Variants in GABRG3 observed in about 807,000 individuals in gnomAD.
GABRG3 encodes the protein gamma-aminobutyric acid receptor subunit gamma-3.
In GABRG3, 25 loss-of-function variants were observed where a neutral mutation model predicts 48.8. The observed-to-expected ratio is 0.51, with a 90% CI of 0.37 to 0.72. The LOEUF (loss-of-function observed/expected upper bound fraction) is 0.72, where lower values mean the gene tolerates loss of function less well. Ranked by LOEUF, GABRG3 falls within the 30% of genes least tolerant of loss-of-function variation. The probability of loss-of-function intolerance (pLI) is 0.00; values close to 1 mark genes in which losing one functional copy is unlikely to be tolerated. For missense variants in GABRG3, 394 were observed against 577.9 expected (o/e 0.68, Z 3.26); for synonymous variants, 227 against 217.6 (o/e 1.04, Z -0.38).
intron 5 of GABRG3, among the ~76,000 whole-genome samples, chr15:27,410,773 T>C (rs1038709038): frequency 1.3e-5 from 2 of 152,084 alleles, no homozygotes; most frequent in African/African-American, 4.8e-5. Flanking sequence ...AATTCTTGGT[T>C]AGCAGTCTTT....
intron 5 of GABRG3, among the ~76,000 whole-genome samples, chr15:27,398,925 A>C (rs1887399733): frequency 6.6e-6 from 1 of 152,186 alleles, no homozygotes; most frequent in South Asian, 2.1e-4. Context: ...GGAAGTTTGA[A>C]TAGCAAGTGC....
chr15:27,177,330 G>A (rs1239859420), intron 3 of GABRG3, among the ~76,000 whole-genome samples: 4 of 152,188 alleles, frequency 2.6e-5, no homozygotes, highest in Non-Finnish European at 5.9e-5. Context: ...ATCTAAAGGA[G>A]CAACTGGGGC....
At chr15:27,261,480 T>C (rs1007824654) in intron 3 of GABRG3, among the ~76,000 whole-genome samples, 1 of 151,590 alleles carries the variant, frequency 6.6e-6, no homozygotes, top group Non-Finnish European at 1.5e-5. Flanking sequence ...GCAGGGGTGC[T>C]GTTAATCCCC....
At position 27,505,435 on chromosome 15, in the gene GABRG3, G is replaced by A. The variant is rs74005017; in HGVS notation, c.713-14537G>A. Reference sequence around the variant, plus strand: ...AATTAAGGAGATAATATTAGCTGTAGTATTTCTGTAGATGTTCTTTATTGG... The same window carrying A: ...AATTAAGGAGATAATATTAGCTGTAATATTTCTGTAGATGTTCTTTATTGG... On this transcript the variant is annotated intron_variant, in intron 6 of 9. Transcript: ENST00000615808. 3.7e-3 allele frequency among the ~76,000 whole-genome samples: 566 copies of A among 152,228 alleles called. 7 individuals carry two copies. The highest frequency in any genetic ancestry group is 0.013 in the African/African-American group (556 of 41,564).
intron 3 of GABRG3, among the ~76,000 whole-genome samples, chr15:27,245,696 A>ACCCGCCTGGCCAACATGGTGAAC: frequency 6.6e-6 from 1 of 151,538 alleles, no homozygotes; most frequent in African/African-American, 2.4e-5. Context: ...ACATGGTGAA[A>ACCCGCCTGGCCAACATGGTGAAC]CCCTGTCTCT....
chr15:27,117,942 A>G (rs1897670461), intron 3 of GABRG3, among the ~76,000 whole-genome samples: 1 of 152,174 alleles, frequency 6.6e-6, no homozygotes. Flanking sequence ...GTAACATAAC[A>G]TGCAGGTGTA....
chr15:27,438,526 A>G (rs1335189393), intron 5 of GABRG3, among the ~76,000 whole-genome samples: 1 of 152,228 alleles, frequency 6.6e-6, no homozygotes, highest in East Asian at 1.9e-4. Context: ...GTCACCCCAC[A>G]TCTCTGCTTG....
chr15:27,076,315 T>A (rs972904773), intron 3 of GABRG3, among the ~76,000 whole-genome samples: 9 of 145,648 alleles, frequency 6.2e-5, no homozygotes, highest in African/African-American at 2.1e-4. Flanking sequence ...TTGAGCCAAC[T>A]GTCTTTTTTT....
chr15:27,471,977 TA>T (rs912477015), intron 5 of GABRG3, among the ~76,000 whole-genome samples: 5 of 152,126 alleles, frequency 3.3e-5, no homozygotes, highest in African/African-American at 1.2e-4. Context: ...TTTGGAAACA[TA>T]AAAAAAGTTA....
intron 3 of GABRG3, among the ~76,000 whole-genome samples, chr15:27,139,810 A>G (rs1898072147): frequency 6.6e-6 from 1 of 152,208 alleles, no homozygotes. Flanking sequence ...GCCAGTGACC[A>G]GAAAGATCAA....
chr15:27,072,599 G>A (rs1165204563), intron 3 of GABRG3, among the ~76,000 whole-genome samples: 1 of 152,188 alleles, frequency 6.6e-6, no homozygotes, highest in African/African-American at 2.4e-5. Context: ...TCTTGCACAA[G>A]TGACTTACTG....
chr15:27,323,817 C>A lies in GABRG3; in HGVS notation c.271-2992C>A, dbSNP rs568665926. On this transcript the variant is annotated intron_variant, in intron 3 of 9. Transcript: ENST00000615808. ...TATCAGTCTGGACGGGCTCCTCTGACAAACTGCTCTGGATGCTTCTCACCC... is the reference window on the plus strand; with the variant it reads ...TATCAGTCTGGACGGGCTCCTCTGAAAAACTGCTCTGGATGCTTCTCACCC... Among the ~76,000 whole-genome samples the A allele has an allele frequency of 4.5e-4, 69 of 152,296 alleles. 1 individual carries two copies. The highest frequency in any genetic ancestry group is 1.5e-3 in the African/African-American group (62 of 41,586).
intron 3 of GABRG3, among the ~76,000 whole-genome samples, chr15:27,325,681 G>C (rs1893589686): frequency 6.6e-6 from 1 of 152,232 alleles, no homozygotes; most frequent in South Asian, 2.1e-4. Context: ...TTTCTTGTTG[G>C]CACAGTGCTG....
At chr15:27,425,784 T>A (rs115722877) in intron 5 of GABRG3, among the ~76,000 whole-genome samples, 2,389 of 152,334 alleles carry the variant, frequency 0.016, 43 homozygotes, top group South Asian at 0.079. Context: ...GTTGTGTAAT[T>A]GGTATGAAGG....
At position 27,235,703 on chromosome 15, in the gene GABRG3, C is replaced by T. The variant is rs528902138; in HGVS notation, c.271-91106C>T. 6.6e-5 allele frequency among the ~76,000 whole-genome samples: 10 copies of T among 152,152 alleles called. 1 individual carries two copies. The highest frequency in any genetic ancestry group is 1.9e-4 in the African/African-American group (8 of 41,500). Reference sequence around the variant, plus strand: ...GCCTCCTGTATACATGGGCAATAAACCAGAGAAATGAAAGCAGATCTCAAG... The same window carrying T: ...GCCTCCTGTATACATGGGCAATAAATCAGAGAAATGAAAGCAGATCTCAAG... On this transcript the variant is annotated intron_variant, in intron 3 of 9. Coordinates refer to ENST00000615808, the MANE Select transcript of GABRG3 (RefSeq NM_033223.5).
chr15:27,058,502 T>G (rs1896590683), intron 3 of GABRG3, among the ~76,000 whole-genome samples: 1 of 152,238 alleles, frequency 6.6e-6, no homozygotes, highest in South Asian at 2.1e-4. Context: ...AATGAGCTAT[T>G]TCTTGCTCAA....
chr15:27,024,586 G>C (rs1329808455), intron 2 of GABRG3, among the ~76,000 whole-genome samples: 18 of 152,144 alleles, frequency 1.2e-4, no homozygotes, highest in Admixed American at 1.2e-3. Context: ...AATGGTCTTG[G>C]CAACTTTGTG....
At chr15:27,329,010 G>C in intron 5 of GABRG3, 122 bp downstream of exon 5, 1 of 833,112 alleles carries the variant, frequency 1.2e-6, no homozygotes, top group Non-Finnish European at 2.0e-6. Flanking sequence ...GAAAACTGAT[G>C]ATGGTTTCAG....
intron 3 of GABRG3, among the ~76,000 whole-genome samples, chr15:27,150,572 A>G (rs1898292327): frequency 6.6e-6 from 1 of 152,240 alleles, no homozygotes; most frequent in African/African-American, 2.4e-5. Flanking sequence ...TAGAGCACTC[A>G]CAACAACTTC....
Sources: allele counts gnomAD v4.1 joint callset (sites outside exome capture counted in the v4.1 genomes callset), GRCh38; gene constraint gnomAD v4.1.1; transcripts MANE v1.5; gene names NCBI Gene and HGNC (gene_info 2026-07-23, HGNC 2026-07-21).